Variants in UBASH3B observed in about 807,000 individuals in gnomAD.
UBASH3B encodes the protein ubiquitin-associated and SH3 domain-containing protein B.
Under a neutral mutation model 83.4 loss-of-function variants are expected in UBASH3B, and 37 were observed. The ratio of observed to expected loss-of-function variants is 0.44; its 90% CI spans 0.34 to 0.58. UBASH3B has a LOEUF of 0.58. Among genes scored for constraint, UBASH3B ranks in the 20% least tolerant of loss-of-function variants. UBASH3B has a pLI of 0.01. For synonymous variants in UBASH3B, 304 were observed against 318.3 expected, an observed-to-expected ratio of 0.96 and a Z score of 0.48; for missense variants, 657 against 827.2, an observed-to-expected ratio of 0.79 and a Z score of 2.52.
At chr11:122,656,239 G>T (rs1863360860) in intron 1 of UBASH3B, 29 bp downstream of exon 1, 12 of 1,389,430 alleles carry the variant, frequency 8.6e-6, no homozygotes, top group East Asian at 3.1e-5. Flanking sequence ...AGCCCTCGGC[G>T]ACCCCTCCCG....
At chr11:122,725,370 A>G (rs1442527691) in intron 1 of UBASH3B, among the ~76,000 whole-genome samples, 1 of 151,626 alleles carries the variant, frequency 6.6e-6, no homozygotes, top group Non-Finnish European at 1.5e-5. Context: ...AAACTCAATG[A>G]CTTGAGTACC....
chr11:122,686,652 T>G (rs939883979), intron 1 of UBASH3B, among the ~76,000 whole-genome samples: 1 of 152,088 alleles, frequency 6.6e-6, no homozygotes, highest in Non-Finnish European at 1.5e-5. Context: ...TAGAGCTCCG[T>G]GTGCAGGCGT....
intron 1 of UBASH3B, among the ~76,000 whole-genome samples, chr11:122,711,502 C>T (rs773764478): frequency 9.2e-5 from 14 of 152,326 alleles, no homozygotes; most frequent in East Asian, 3.9e-4. Context: ...CAGGCCTGAA[C>T]GGAGCCGAGG....
intron 1 of UBASH3B, among the ~76,000 whole-genome samples, chr11:122,729,513 G>T (rs983265880): frequency 1.3e-5 from 2 of 152,164 alleles, no homozygotes; most frequent in South Asian, 4.1e-4. Context: ...GATTATAAAT[G>T]TTAGATATGA....
At chr11:122,676,420 T>C (rs538450750) in intron 1 of UBASH3B, among the ~76,000 whole-genome samples, 1 of 152,224 alleles carries the variant, frequency 6.6e-6, no homozygotes, top group East Asian at 1.9e-4. Context: ...GTGCCTGTAA[T>C]CCCAGTTACT....
intron 1 of UBASH3B, among the ~76,000 whole-genome samples, chr11:122,721,868 T>C (rs1236624949): frequency 6.6e-6 from 1 of 152,196 alleles, no homozygotes; most frequent in African/African-American, 2.4e-5. Flanking sequence ...GCTACTCTGT[T>C]CTTTGGGGAT....
chr11:122,768,955 T>C (rs187505507), intron 1 of UBASH3B, among the ~76,000 whole-genome samples: 37 of 152,318 alleles, frequency 2.4e-4, no homozygotes, highest in Non-Finnish European at 4.9e-4. Context: ...CTGCTGGCCG[T>C]TCAGGGCAGA....
chr11:122,723,207 A>G lies in UBASH3B; in HGVS notation c.162-53012A>G, dbSNP rs183292229. 2.3e-3 allele frequency among the ~76,000 whole-genome samples: 358 copies of G among 152,356 alleles called. 2 individuals are homozygous for G. The highest frequency in any genetic ancestry group is 7.9e-3 in the African/African-American group (330 of 41,578). ...AAAAAATCCTTTGTCATTTCTGACA[A>G]TTAACCAGGCTTGGAAACCACTGTT... On this transcript the variant is annotated intron_variant, in intron 1 of 13. Transcript: ENST00000284273.
At chr11:122,748,690 G>C (rs1190530390) in intron 1 of UBASH3B, among the ~76,000 whole-genome samples, 1 of 152,154 alleles carries the variant, frequency 6.6e-6, no homozygotes, top group Non-Finnish European at 1.5e-5. Context: ...CAAGAGCTCT[G>C]TGAGTGTCCA....
intron 11 of UBASH3B, among the ~76,000 whole-genome samples, chr11:122,801,920 A>C (rs1199091133): frequency 6.6e-6 from 1 of 152,182 alleles, no homozygotes; most frequent in African/African-American, 2.4e-5. Flanking sequence ...CAGTCATCTC[A>C]TTCCTGTTCC....
rs879486823 is a variant in UBASH3B at position 122,756,824 on chromosome 11, C to T, written c.162-19395C>T. Among the ~76,000 whole-genome samples, 10 of 152,142 alleles carry T rather than the reference C, an allele frequency of 6.6e-5. No homozygotes were observed. The East Asian group carries it at 9.6e-4, about 15-fold the overall frequency. On this transcript the variant is annotated intron_variant, in intron 1 of 13. Transcript: ENST00000284273. ...AACACTGGACCAAAGAGGTTGCACT[C>T]GATCCAGTGGAAATTAAGAAGCACA...
chr11:122,728,672 C>T (rs577377688), intron 1 of UBASH3B, among the ~76,000 whole-genome samples: 1 of 152,356 alleles, frequency 6.6e-6, no homozygotes, highest in East Asian at 1.9e-4. Flanking sequence ...GTACCCCATT[C>T]AGCAACATTT....
chr11:122,722,956 C>T (rs776425280), intron 1 of UBASH3B, among the ~76,000 whole-genome samples: 32 of 152,132 alleles, frequency 2.1e-4, no homozygotes, highest in Non-Finnish European at 3.5e-4. Flanking sequence ...CCGCCCATCT[C>T]GGCCTCCCAA....
At position 122,716,917 on chromosome 11, in the gene UBASH3B, T is replaced by C. The variant is rs1860535424; in HGVS notation, c.162-59302T>C. 3.3e-5 allele frequency among the ~76,000 whole-genome samples: 5 copies of C among 152,126 alleles called. No individual in the cohort carries two copies. In the South Asian group the frequency reaches 1.0e-3, roughly 32 times the overall value. On this transcript the variant is annotated intron_variant, in intron 1 of 13. Transcript: ENST00000284273. Reference sequence around the variant, plus strand: ...CTTCTAGCCTCACAATTTGGAGATGTTAGATGGAATCAGGATGATTATAGC... The same window carrying C: ...CTTCTAGCCTCACAATTTGGAGATGCTAGATGGAATCAGGATGATTATAGC...
chr11:122,792,305 T>C (rs961830520), intron 6 of UBASH3B, among the ~76,000 whole-genome samples: 3 of 151,750 alleles, frequency 2.0e-5, no homozygotes, highest in Non-Finnish European at 4.4e-5. Context: ...ATTTTCTTTT[T>C]TTTTTTCTTT....
intron 1 of UBASH3B, among the ~76,000 whole-genome samples, chr11:122,676,750 T>G (rs938025861): frequency 1.3e-5 from 2 of 152,154 alleles, no homozygotes; most frequent in Non-Finnish European, 2.9e-5. Context: ...ATCCCTGCAT[T>G]ATTGAACTGT....
chr11:122,721,181 T>C (rs1178479366), intron 1 of UBASH3B, among the ~76,000 whole-genome samples: 1 of 144,870 alleles, frequency 6.9e-6, no homozygotes, highest in African/African-American at 2.6e-5. Flanking sequence ...GTGGTGGAGG[T>C]TTGCAGTGAG....
At position 122,758,366 on chromosome 11, in the gene UBASH3B, G is replaced by C. The variant is rs546186102; in HGVS notation, c.162-17853G>C. ...CTTAGCAGCTTAGCAGTGGTGGAAC[G>C]GGCAGAGTAGAATTTCCTGAGATTT... On this transcript the variant is annotated intron_variant, in intron 1 of 13. Coordinates refer to ENST00000284273, the MANE Select transcript of UBASH3B (RefSeq NM_032873.5). This position sits in a 1 kb window ranked among gnomAD's most constrained non-coding sequence, Gnocchi z 4.2. Among the ~76,000 whole-genome samples, 2 of 152,198 alleles carry C rather than the reference G, an allele frequency of 1.3e-5. No individual in the cohort carries two copies. Among genetic ancestry groups the C allele is most frequent in the African/African-American group, 4.8e-5 (2 of 41,442 alleles).
At chr11:122,718,302 A>C (rs905201867) in intron 1 of UBASH3B, among the ~76,000 whole-genome samples, 1 of 152,214 alleles carries the variant, frequency 6.6e-6, no homozygotes, top group Non-Finnish European at 1.5e-5. Context: ...TTTCGGATGA[A>C]GCATTTCTTG....
Sources: allele counts gnomAD v4.1 joint callset (sites outside exome capture counted in the v4.1 genomes callset), GRCh38; gene constraint gnomAD v4.1.1; non-coding constraint Gnocchi (gnomAD v3.1); transcripts MANE v1.5; gene names NCBI Gene and HGNC (gene_info 2026-07-23, HGNC 2026-07-21).